Variants in C1QL2 observed in about 807,000 individuals in gnomAD.
C1QL2 encodes complement C1q like 2, also known as complement C1q-like protein 2.
C1QL2 carries 13 observed loss-of-function variants against 16.6 expected under a neutral mutation model. The ratio of observed to expected loss-of-function variants is 0.78; its 90% CI spans 0.51 to 1.25. C1QL2 has a LOEUF of 1.25. Among genes scored for constraint, C1QL2 ranks in the 50% most tolerant of loss-of-function variants. The pLI is 0.00. For synonymous variants in C1QL2, 210 were observed against 183.2 expected (o/e 1.15, Z -1.18); for missense variants, 396 against 409.6 (o/e 0.97, Z 0.29).
In C1QL2 at chr2:119,158,223, G is replaced by A; in HGVS notation, c.47C>T (p.Ala16Val). Reference protein sequence around the residue: ...LIAVPLLLQAAPRGAAHYEMM... With the variant: ...LIAVPLLLQAVPRGAAHYEMM... ...CTCATAGTGCGCGGCGCCTCGGGGC[G>A]CCGCCTGCAGCAGCAGCGGCACGGC... Residue 16 changes from alanine to valine, a missense_variant, in exon 1 of 2, where the codon GCG (alanine) becomes GTG (valine). Ala to Val is a moderately conservative substitution (Grantham distance 64). Transcript: ENST00000272520. The A allele has an allele frequency of 2.6e-6, 4 of 1,565,676 alleles. No homozygotes were observed. Among genetic ancestry groups the A allele is most frequent in the East Asian group, 2.5e-5 (1 of 39,656 alleles).
intron 1 of C1QL2, among the ~76,000 whole-genome samples, 165 bp from the exon 2 acceptor site, chr2:119,157,146 T>TC (rs997004271): frequency 1.3e-5 from 2 of 151,496 alleles, no homozygotes; most frequent in South Asian, 2.1e-4. Flanking sequence ...TCCTTCCAGG[T>TC]CCCCCCTCCT....
In C1QL2 at chr2:119,158,052, AAAG is replaced by A; in HGVS notation, c.215_217del (p.Pro72_Phe73delinsLeu). On this transcript the variant is annotated inframe_deletion, in exon 1 of 2. Transcript: ENST00000272520. ...CGGGTCGCCCTTGGGTCCCTGGATG[AAAG>A]GAGGAGGAGGGTTGGCGCTGAGGTC... The A allele has an allele frequency of 6.5e-7, 1 of 1,530,308 alleles. No individual in the cohort carries two copies. Among genetic ancestry groups the A allele is most frequent in the Non-Finnish European group, 8.8e-7 (1 of 1,138,794 alleles). The allele number at this position is 1,530,308 out of a possible 1,614,324, so 94.8% of individuals were successfully genotyped here.
Position 119,156,933 on chromosome 2 carries a change from C to T in C1QL2, c.733G>A (p.Ala245Thr). 6.2e-7 allele frequency: 1 copy of T among 1,614,074 alleles called. No homozygotes were observed. Among genetic ancestry groups the T allele is most frequent in the Non-Finnish European group, 8.5e-7 (1 of 1,179,938 alleles). The change falls in exon 2 of 2, where the codon GCC becomes ACC. Residue 245 changes from alanine (A) to threonine (T), a missense_variant. By Grantham distance (58) the Ala-to-Thr change is moderately conservative (BLOSUM62 0). Around this residue, in one of 2 missense-constraint regions of C1QL2, gnomAD observed 43 missense variants for 74.8 expected, o/e 0.57. Coordinates refer to ENST00000272520, the MANE Select transcript of C1QL2 (RefSeq NM_182528.4). ...AQDADQNYDY[A>T]SNSVVLHLDS... ...AAGTGCAGCACCACGCTGTTACTGG[C>T]GTAGTCGTAGTTCTGGTCGGCGTCC...
rs1314747514 is a variant in C1QL2, at chr2:119,158,523, G to C, written c.-254C>G. The C allele has an allele frequency of 3.8e-6, 1 of 262,140 alleles. No homozygotes were observed. Among genetic ancestry groups the C allele is most frequent in the African/African-American group, 2.2e-5 (1 of 44,640 alleles). The allele number at this position is 262,140 out of a possible 1,614,324, so 16.2% of individuals were successfully genotyped here. On this transcript the variant is annotated 5_prime_UTR_variant, in exon 1 of 2. Transcript: ENST00000272520. Reference sequence around the variant, plus strand: ...CTCTGAGCCTGGGCCCACCGCGCTGGGGCTGGTCGGGAGAGCCGCGGACGC... The same window carrying C: ...CTCTGAGCCTGGGCCCACCGCGCTGCGGCTGGTCGGGAGAGCCGCGGACGC...
At chr2:119,157,142 C>T (rs1407230250) in intron 1 of C1QL2, among the ~76,000 whole-genome samples, 161 bp from the exon 2 acceptor site, 3 of 152,216 alleles carry the variant, frequency 2.0e-5, no homozygotes, top group Non-Finnish European at 4.4e-5. Flanking sequence ...CAACTCCTTC[C>T]AGGTCCCCCC....
chr2:119,157,937 C>G lies in C1QL2; in HGVS notation c.333G>C (p.Ser111=), dbSNP rs1358416309. 2 of 1,541,604 alleles carry G rather than the reference C, an allele frequency of 1.3e-6. 1 individual carries two copies. Among genetic ancestry groups the G allele is most frequent in the South Asian group, 2.4e-5 (2 of 83,056 alleles). The change falls in exon 1 of 2, where the codon TCG becomes TCC. Residue 111 remains serine (S), a synonymous_variant. Transcript: ENST00000272520. ...GCAGCCCTGGCAGCCCGGGCCGCCC[C>G]GAGTCGCCCTTCTCTCCCGGAGGGC... The part of the protein sequence containing the change: ...PRGPPGEKGD[S]GRPGLPGLQL...
intron 1 of C1QL2, 122 bp from the exon 2 acceptor site, chr2:119,157,103 C>T (rs1677974036): frequency 8.9e-7 from 1 of 1,124,808 alleles, no homozygotes; most frequent in South Asian, 1.5e-5. Flanking sequence ...CACTCCCACC[C>T]CAGCTCCATG....
Position 119,158,170 on chromosome 2 carries a change from C to G in C1QL2, c.100G>C (p.Asp34His), listed in dbSNP as rs754527078. ...CCGCCGGGCGCGGCAGTGTAAGGGT[C>G]GCAGATCATGCGGCAGGTGCCCATC... is the stretch of plus-strand genomic sequence containing the variant. The part of the protein sequence containing the change: ...EMMGTCRMIC[D>H]PYTAAPGGEP... Residue 34 changes from aspartate to histidine, a missense_variant, in exon 1 of 2, where the codon GAC becomes CAC. Around this residue, in one of 2 missense-constraint regions of C1QL2, gnomAD observed 353 missense variants for 334.8 expected, o/e 1.05. Transcript: ENST00000272520. 1.3e-6 allele frequency: 2 copies of G among 1,577,214 alleles called. No homozygotes were observed. Among genetic ancestry groups the G allele is most frequent in the South Asian group, 2.3e-5 (2 of 86,956 alleles).
Position 119,156,997 on chromosome 2 carries a change from G to T in C1QL2, c.685-16C>A. On this transcript the variant is annotated splice_polypyrimidine_tract_variant and intron_variant, in intron 1 of 1. Coordinates refer to ENST00000272520, the MANE Select transcript of C1QL2 (RefSeq NM_182528.4). Reference sequence around the variant, plus strand: ...TGGCCCGGACCTGGGGACAAGCGGTGGGAGCAGGTGAGCCGGGGCACCTCT... The same window carrying T: ...TGGCCCGGACCTGGGGACAAGCGGTTGGAGCAGGTGAGCCGGGGCACCTCT... The T allele has an allele frequency of 6.2e-7, 1 of 1,612,156 alleles. No homozygotes were observed.
chr2:119,157,496 C>G, intron 1 of C1QL2, 90 bp downstream of exon 1: 1 of 1,471,910 alleles, frequency 6.8e-7, no homozygotes, highest in Non-Finnish European at 9.3e-7. Flanking sequence ...CAGGGTAGCC[C>G]GCGGGTGGAG....
In C1QL2 at chr2:119,157,911, TGCAGCCCTG is replaced by T; in HGVS notation, c.350_358del (p.Pro117_Leu119del). 1 of 1,561,918 alleles carries T rather than the reference TGCAGCCCTG, an allele frequency of 6.4e-7. No homozygotes were observed. Among genetic ancestry groups the T allele is most frequent in the Non-Finnish European group, 8.7e-7 (1 of 1,153,858 alleles). On this transcript the variant is annotated inframe_deletion, in exon 1 of 2. Transcript: ENST00000272520. ...GCCGCTGGCCGTGCCCGCCGTCAGT[TGCAGCCCTG>T]GCAGCCCGGGCCGCCCCGAGTCGCC...
rs1677960616 is a variant in C1QL2, at chr2:119,156,351, T to A, written c.*451A>T. ...GCTGGAATTCTGCTGTGGGTGGGGT[T>A]TTGGCTGATGGACAGGGAAATCTGC... On this transcript the variant is annotated 3_prime_UTR_variant, in exon 2 of 2. Coordinates refer to ENST00000272520, the MANE Select transcript of C1QL2 (RefSeq NM_182528.4). 1 of 156,356 alleles carries A rather than the reference T, an allele frequency of 6.4e-6. No homozygotes were observed. The highest frequency in any genetic ancestry group is 1.4e-5 in the Non-Finnish European group (1 of 70,702). 9.7% of individuals were successfully genotyped at this position (156,356 alleles called of 1,614,324 possible). A position where few individuals can be genotyped will look rare whatever the true frequency, so the allele number is the denominator to read the frequency against.
chr2:119,157,216 AGTGGAAGG>A (rs1177392962), intron 1 of C1QL2, among the ~76,000 whole-genome samples: 4 of 152,206 alleles, frequency 2.6e-5, no homozygotes, highest in Non-Finnish European at 5.9e-5. Context: ...ACTGACCCAG[AGTGGAAGG>A]GTGGGAGCCA....
Position 119,157,836 on chromosome 2 carries a change from T to C in C1QL2, c.434A>G (p.Glu145Gly). 1.3e-6 allele frequency: 2 copies of C among 1,589,328 alleles called. No individual in the cohort carries two copies. Among genetic ancestry groups the C allele is most frequent in the Non-Finnish European group, 1.7e-6 (2 of 1,167,804 alleles). ...GAGVGGDSEG[E>G]VTSALSATFS... ...GGTGGCGCTCAGCGCACTGGTCACT[T>C]CACCCTCGGAATCGCCACCTACCCC... The change falls in exon 1 of 2, where the codon GAA becomes GGA. Residue 145 changes from glutamate (E) to glycine (G), a missense_variant. Transcript: ENST00000272520.
Position 119,158,156 on chromosome 2 carries a change from G to T in C1QL2, c.114C>A (p.Ala38=), listed in dbSNP as rs374776152. The part of the protein sequence containing the change: ...TCRMICDPYT[A]APGGEPPGAK... Reference sequence around the variant, plus strand: ...CACCCGGGGGCTCCCCGCCGGGCGCGGCAGTGTAAGGGTCGCAGATCATGC... The same window carrying T: ...CACCCGGGGGCTCCCCGCCGGGCGCTGCAGTGTAAGGGTCGCAGATCATGC... The change falls in exon 1 of 2, where the codon GCC becomes GCA. Residue 38 remains alanine, a synonymous_variant. Transcript: ENST00000272520. 46 of 1,572,272 alleles carry T rather than the reference G, an allele frequency of 2.9e-5. No individual in the cohort carries two copies. The highest frequency in any genetic ancestry group is 3.9e-5 in the Non-Finnish European group (45 of 1,162,354).
chr2:119,156,721 G>T lies in C1QL2; in HGVS notation c.*81C>A. 6.9e-7 allele frequency: 1 copy of T among 1,445,790 alleles called. No homozygotes were observed. Among genetic ancestry groups the T allele is most frequent in the South Asian group, 1.3e-5 (1 of 77,438 alleles). 89.6% of individuals were successfully genotyped at this position (1,445,790 alleles called of 1,614,324 possible). A position where few individuals can be genotyped will look rare whatever the true frequency, so the allele number is the denominator to read the frequency against. The stretch of plus-strand genomic sequence containing the variant: ...GAGATGTCAGGAAGTGTTATGAATC[G>T]AGAGTGGCCTTTGCCAAGGAGCCGC... On this transcript the variant is annotated 3_prime_UTR_variant, in exon 2 of 2. Transcript: ENST00000272520.
At position 119,156,783 on chromosome 2, in the gene C1QL2, C is replaced by A. The variant is rs1677968810; in HGVS notation, c.*19G>T. On this transcript the variant is annotated 3_prime_UTR_variant, in exon 2 of 2. Coordinates refer to ENST00000272520, the MANE Select transcript of C1QL2 (RefSeq NM_182528.4). Reference sequence around the variant, plus strand: ...GACCGGGCGGCCTGCAGCCACCCCGCCTCGCACCCCCCGCGCCCCTAATCC... The same window carrying A: ...GACCGGGCGGCCTGCAGCCACCCCGACTCGCACCCCCCGCGCCCCTAATCC... 1 of 1,607,558 alleles carries A rather than the reference C, an allele frequency of 6.2e-7. No homozygotes were observed. Among genetic ancestry groups the A allele is most frequent in the South Asian group, 1.1e-5 (1 of 90,302 alleles).
rs775548812 is a variant in C1QL2 at position 119,158,273 on chromosome 2, C to T, written c.-4G>A. 313 of 1,468,496 alleles carry T rather than the reference C, an allele frequency of 2.1e-4. No individual in the cohort carries two copies. Among genetic ancestry groups the T allele is most frequent in the Non-Finnish European group, 2.7e-4 (304 of 1,121,638 alleles). 91.0% of individuals were successfully genotyped at this position (1,468,496 alleles called of 1,614,324 possible). A position where few individuals can be genotyped will look rare whatever the true frequency, so the allele number is the denominator to read the frequency against. On this transcript the variant is annotated 5_prime_UTR_variant, in exon 1 of 2. Coordinates refer to ENST00000272520, the MANE Select transcript of C1QL2 (RefSeq NM_182528.4). ...CGATGAGCAGCCCGAGCGCCATGGC[C>T]AAGAGTACGCCGACGGCCGCCAGGC...
intron 1 of C1QL2, 96 bp from the exon 2 acceptor site, chr2:119,157,077 G>A: frequency 1.4e-6 from 2 of 1,413,368 alleles, no homozygotes; most frequent in Non-Finnish European, 1.9e-6. Flanking sequence ...CCTCCCGCCT[G>A]CTGCTTCAGG....
Sources: gnomAD v4.1 joint callset for allele counts (sites outside exome capture counted in the v4.1 genomes callset) on GRCh38, gnomAD v4.1.1 for gene constraint, gnomAD v4.1.1 regional missense constraint, MANE v1.5 for transcripts, NCBI Gene and HGNC (gene_info 2026-07-23, HGNC 2026-07-21) for gene names.